The following ACADSB variants were observed in gnomAD, a reference collection of about 807,000 sequenced individuals.
ACADSB encodes the protein acyl-CoA dehydrogenase short/branched chain.
A neutral mutation model predicts 54.1 loss-of-function variants in ACADSB; 40 were observed. The observed-to-expected ratio is 0.74, with a 90% confidence interval of 0.57 to 0.96. ACADSB has a LOEUF of 0.96. ACADSB is among the 40% of genes least tolerant of loss of function. The pLI, the probability that ACADSB is intolerant of heterozygous loss-of-function variation, is 0.00. For missense variants in ACADSB, 530 were observed against 510.4 expected (o/e 1.04, Z -0.37); for synonymous variants, 182 against 182.8 (o/e 1.00, Z 0.03).
intron 1 of ACADSB, among the ~76,000 whole-genome samples, chr10:123,028,476 G>A (rs910955337): frequency 6.6e-6 from 1 of 152,062 alleles, no homozygotes. Flanking sequence ...ACTAGCCTGG[G>A]TAACATAGCA....
At chr10:123,041,041 T>G (rs1311755052) in intron 4 of ACADSB, among the ~76,000 whole-genome samples, 168 bp from the exon 5 acceptor site, 1 of 236 alleles carries the variant, frequency 4.2e-3, no homozygotes, top group East Asian at 7.2e-3. Context: ...TAGGGTATAT[T>G]TTTTGGAAAA....
intron 1 of ACADSB, among the ~76,000 whole-genome samples, chr10:123,030,962 C>G (rs540419384): frequency 6.6e-6 from 1 of 152,072 alleles, no homozygotes; most frequent in Non-Finnish European, 1.5e-5. Context: ...TCCCCAAAGA[C>G]GCTAGATATA....
rs1317812915 is a variant in ACADSB, at chr10:123,056,359, AC to A, written c.*2598del. ...AAATGAAGAAGAAGCAAAAGTGGAA[AC>A]CCCTGATAAACCCATCAGATCTCAT... On this transcript the variant is annotated 3_prime_UTR_variant, in exon 11 of 11. Coordinates refer to ENST00000358776, the MANE Select transcript of ACADSB (RefSeq NM_001609.4). 4.4e-6 allele frequency: 1 copy of A among 226,800 alleles called. No homozygotes were observed. The highest frequency in any genetic ancestry group is 8.7e-6 in the Non-Finnish European group (1 of 114,384). 14.0% of individuals were successfully genotyped at this position (226,800 alleles called of 1,614,324 possible).
intron 1 of ACADSB, among the ~76,000 whole-genome samples, chr10:123,019,553 G>T (rs773026489): frequency 1.3e-5 from 2 of 152,202 alleles, no homozygotes; most frequent in Non-Finnish European, 2.9e-5. Flanking sequence ...GCAGTCTTTG[G>T]TGATAGTTTT....
At chr10:123,030,658 G>A (rs1486697345) in intron 1 of ACADSB, among the ~76,000 whole-genome samples, 1 of 151,992 alleles carries the variant, frequency 6.6e-6, no homozygotes, top group East Asian at 1.9e-4. Context: ...GTCTTCCTTT[G>A]CCTTTCATAT....
intron 5 of ACADSB, among the ~76,000 whole-genome samples, chr10:123,042,026 TG>T (rs1347899116): frequency 6.7e-6 from 1 of 150,370 alleles, no homozygotes; most frequent in Non-Finnish European, 1.5e-5. Flanking sequence ...AGTGCAGTGG[TG>T]TGATCTCACC....
intron 1 of ACADSB, among the ~76,000 whole-genome samples, chr10:123,017,706 C>T (rs767338330): frequency 4.8e-4 from 73 of 152,326 alleles, no homozygotes; most frequent in Non-Finnish European, 9.3e-4. Context: ...AAGAAACGTT[C>T]CTGGAGCTGC....
rs923906759 is a variant in ACADSB at position 123,057,759 on chromosome 10, C to T, written c.*3994C>T. ...TAGAGAACCAGCCAACCAACTCTCT[C>T]ATTTTAAAAGTGAAGGATTCATAGC... is the stretch of plus-strand genomic sequence containing the variant. On this transcript the variant is annotated 3_prime_UTR_variant, in exon 11 of 11. Coordinates refer to ENST00000358776, the MANE Select transcript of ACADSB (RefSeq NM_001609.4). 2 of 152,194 alleles carry T rather than the reference C, an allele frequency of 1.3e-5. No homozygotes were observed. Among genetic ancestry groups the T allele is most frequent in the Non-Finnish European group, 2.9e-5 (2 of 68,028 alleles). 9.4% of individuals were successfully genotyped at this position (152,194 alleles called of 1,614,324 possible).
At chr10:123,037,152 T>G (rs908943375) in intron 2 of ACADSB, among the ~76,000 whole-genome samples, 2 of 152,224 alleles carry the variant, frequency 1.3e-5, no homozygotes, top group Non-Finnish European at 2.9e-5. Flanking sequence ...GCCGGGCTGC[T>G]GCTCAACATC....
Position 123,055,258 on chromosome 10 carries a change from G to A in ACADSB, c.*1493G>A. On this transcript the variant is annotated 3_prime_UTR_variant, in exon 11 of 11. Coordinates refer to ENST00000358776, the MANE Select transcript of ACADSB (RefSeq NM_001609.4). ...TCAGAATCATGGTGGGAGGCAAAAA[G>A]CACTTCTTACATGGCGGCAGCAAGA... The A allele has an allele frequency of 1.0e-5, 2 of 198,028 alleles. No individual in the cohort carries two copies. The highest frequency in any genetic ancestry group is 5.8e-5 in the Admixed American group (1 of 17,356). The allele number at this position is 198,028 out of a possible 1,614,324, so 12.3% of individuals were successfully genotyped here. A position where few individuals can be genotyped will look rare whatever the true frequency, so the allele number is the denominator to read the frequency against.
At chr10:123,013,735 G>A (rs1328420988) in intron 1 of ACADSB, among the ~76,000 whole-genome samples, 1 of 152,228 alleles carries the variant, frequency 6.6e-6, no homozygotes, top group Non-Finnish European at 1.5e-5. Context: ...ACCCTCCACA[G>A]CTGCTGGCCT....
chr10:123,047,429 A>G, intron 8 of ACADSB, 131 bp downstream of exon 8: 1 of 705,480 alleles, frequency 1.4e-6, no homozygotes, highest in Non-Finnish European at 2.5e-6. Flanking sequence ...GGGAGGAAAG[A>G]ATAGGTCTCA....
chr10:123,047,242 A>G lies in ACADSB; in HGVS notation c.934A>G (p.Thr312Ala). 2 of 1,609,498 alleles carry G rather than the reference A, an allele frequency of 1.2e-6. No individual in the cohort carries two copies. Among genetic ancestry groups the G allele is most frequent in the Non-Finnish European group, 1.7e-6 (2 of 1,175,742 alleles). Residue 312 changes from threonine (T) to alanine (A), a missense_variant, in exon 8 of 11, where the codon ACT becomes GCT. Coordinates refer to ENST00000358776, the MANE Select transcript of ACADSB (RefSeq NM_001609.4). ...LGLAQGCFDY[T>A]IPYIKERIQF... ...ACTGGCGCAAGGATGTTTTGACTAC[A>G]CTATTCCATATATTAAAGAAAGGAT...
Position 123,057,070 on chromosome 10 carries a change from A to G in ACADSB, c.*3305A>G, listed in dbSNP as rs1402848789. The G allele has an allele frequency of 6.6e-6, 1 of 152,648 alleles. No homozygotes were observed. The highest frequency in any genetic ancestry group is 2.4e-5 in the African/African-American group (1 of 41,462). The allele number at this position is 152,648 out of a possible 1,614,324, so 9.5% of individuals were successfully genotyped here. A position where few individuals can be genotyped will look rare whatever the true frequency, so the allele number is the denominator to read the frequency against. On this transcript the variant is annotated 3_prime_UTR_variant, in exon 11 of 11. Transcript: ENST00000358776. ...ATGAAATGCCCTACAGGGGCCTTGG[A>G]CATCTTTAATTTCTGCGATTATGTG...
chr10:123,036,242 C>T (rs1203992787), intron 2 of ACADSB, among the ~76,000 whole-genome samples: 1 of 152,216 alleles, frequency 6.6e-6, no homozygotes, highest in African/African-American at 2.4e-5. Flanking sequence ...CGTGTGCCAC[C>T]ACGCCCAGCT....
rs201268218 is a variant in ACADSB at position 123,051,078 on chromosome 10, C to T, written c.1020C>T (p.Ala340=). Residue 340 remains alanine (A), a synonymous_variant, in exon 9 of 11, where the codon GCC becomes GCT. Coordinates refer to ENST00000358776, the MANE Select transcript of ACADSB (RefSeq NM_001609.4). ...QGLQHQVAHV[A]TQLEAARLLT... The stretch of plus-strand genomic sequence containing the variant: ...TCCAACACCAAGTGGCTCACGTGGC[C>T]ACCCAGCTGGAAGCTGCAAGATTAC... 1 of 1,612,184 alleles carries T rather than the reference C, an allele frequency of 6.2e-7. No individual in the cohort carries two copies. Among genetic ancestry groups the T allele is most frequent in the Admixed American group, 1.7e-5 (1 of 59,964 alleles).
chr10:123,043,125 G>A lies in ACADSB; in HGVS notation c.761G>A (p.Gly254Glu), dbSNP rs1326248028. Residue 254 changes from glycine to glutamate, a missense_variant, in exon 6 of 11, where the codon GGG becomes GAG. Transcript: ENST00000358776. ...ATAGGGAAACCTGAAAACAAATTGGGGCTCAGAGCTTCTTCCACCTGCCCG... is the reference window on the plus strand; with the variant it reads ...ATAGGGAAACCTGAAAACAAATTGGAGCTCAGAGCTTCTTCCACCTGCCCG... ...LHIGKPENKLGLRASSTCPLT... is the reference protein window; with the variant it reads ...LHIGKPENKLELRASSTCPLT... The A allele has an allele frequency of 1.2e-6, 2 of 1,613,824 alleles. No homozygotes were observed. Among genetic ancestry groups the A allele is most frequent in the East Asian group, 2.2e-5 (1 of 44,870 alleles).
chr10:123,053,146 G>C lies in ACADSB; in HGVS notation c.1214G>C (p.Arg405Pro). Residue 405 changes from arginine (R) to proline (P), a missense_variant, in exon 10 of 11, where the codon CGA becomes CCA. Physicochemically the swap from Arg to Pro is moderately radical, Grantham distance 103. Transcript: ENST00000358776. ...GATTACCCTGTGGAGAAATACTTCC[G>C]AGATGCAAAGATTGGTAAATAGATT... ...TKDYPVEKYF[R>P]DAKIGTIYEG... is the part of the protein sequence containing the mutation. 1 of 1,607,956 alleles carries C rather than the reference G, an allele frequency of 6.2e-7. No homozygotes were observed. Among genetic ancestry groups the C allele is most frequent in the Non-Finnish European group, 8.5e-7 (1 of 1,177,354 alleles).
chr10:123,029,345 C>CA (rs554097347), intron 1 of ACADSB, among the ~76,000 whole-genome samples: 57 of 138,790 alleles, frequency 4.1e-4, no homozygotes, highest in African/African-American at 1.3e-3. Flanking sequence ...GATTCTGTCT[C>CA]AAAAAAAAAG....
Sources: gnomAD v4.1 joint callset for allele counts (sites outside exome capture counted in the v4.1 genomes callset) on GRCh38, gnomAD v4.1.1 for gene constraint, MANE v1.5 for transcripts, NCBI Gene and HGNC (gene_info 2026-07-23, HGNC 2026-07-21) for gene names.